ADA2: variants seen among roughly 807,000 people sequenced by gnomAD.
The protein encoded by ADA2 is adenosine deaminase 2.
Under a neutral mutation model 44.2 loss-of-function variants are expected in ADA2, and 29 were observed. The ratio of observed to expected loss-of-function variants is 0.66; its 90% CI spans 0.49 to 0.89. The LOEUF (loss-of-function observed/expected upper bound fraction) is 0.89. ADA2 is among the 40% of genes least tolerant of loss of function. The pLI is 0.00. For synonymous variants in ADA2, 215 were observed against 234.9 expected, an observed-to-expected ratio of 0.92 and a Z score of 0.77; for missense variants, 637 against 644.8, an observed-to-expected ratio of 0.99 and a Z score of 0.13.
At chr22:17,181,686 G>A (rs2061970486) in intron 9 of ADA2, 110 bp from the exon 10 acceptor site, 2 of 1,079,898 alleles carry the variant, frequency 1.9e-6, no homozygotes, top group Non-Finnish European at 2.9e-6. Flanking sequence ...CAGGCCAGCA[G>A]CAAGGACTAA....
chr22:17,209,946 G>A (rs988839215), intron 1 of ADA2: 48 of 407,680 alleles, frequency 1.2e-4, no homozygotes, highest in Non-Finnish European at 1.8e-4. Flanking sequence ...GCTGGAGCAC[G>A]GTGGTGCAAT....
chr22:17,207,995 C>T (rs944407944), intron 2 of ADA2, among the ~76,000 whole-genome samples: 13 of 152,258 alleles, frequency 8.5e-5, no homozygotes, highest in East Asian at 3.9e-4. Context: ...TGTCCCTCTG[C>T]GCTTCTTGTG....
intron 1 of ADA2, among the ~76,000 whole-genome samples, chr22:17,217,583 G>T (rs1211206087): frequency 6.6e-6 from 1 of 152,164 alleles, no homozygotes; most frequent in Non-Finnish European, 1.5e-5. Flanking sequence ...ACTTTGGGAG[G>T]CTGAGGTGGG....
chr22:17,192,101 T>C (rs1053732994), intron 4 of ADA2, among the ~76,000 whole-genome samples: 1 of 152,148 alleles, frequency 6.6e-6, no homozygotes, highest in African/African-American at 2.4e-5. Flanking sequence ...CCAAGTGGCC[T>C]TGTTCCCAAA....
At chr22:17,195,215 C>T (rs925884410) in intron 4 of ADA2, among the ~76,000 whole-genome samples, 1 of 152,314 alleles carries the variant, frequency 6.6e-6, no homozygotes, top group South Asian at 2.1e-4. Flanking sequence ...CTGCATCTAT[C>T]TGTGCACATA....
chr22:17,208,957 T>C (rs1359945026), intron 2 of ADA2, among the ~76,000 whole-genome samples: 2 of 151,712 alleles, frequency 1.3e-5, no homozygotes, highest in African/African-American at 4.8e-5. Flanking sequence ...GCCTCCAGAG[T>C]AGCTCGGATT....
intron 7 of ADA2, among the ~76,000 whole-genome samples, chr22:17,185,812 T>C (rs3788273): frequency 0.88 from 133,020 of 151,794 alleles, 58,376 homozygotes; most frequent in East Asian, 0.92. Flanking sequence ...GGAAATGAAA[T>C]TGCCCACCAC....
intron 4 of ADA2, 94 bp from the exon 5 acceptor site, chr22:17,191,904 ACCCCTGCCCAACCAC>A: frequency 8.2e-7 from 1 of 1,217,896 alleles, no homozygotes; most frequent in Non-Finnish European, 1.1e-6. Context: ...CTGGCCAGCC[ACCCCTGCCCAACCAC>A]CCCCTTCCCA....
intron 1 of ADA2, among the ~76,000 whole-genome samples, chr22:17,212,172 G>A (rs1159951313): frequency 2.0e-5 from 3 of 151,742 alleles, no homozygotes; most frequent in Non-Finnish European, 2.9e-5. Context: ...TTACAGACAC[G>A]TGCCACCACG....
Position 17,181,495 on chromosome 22 carries a change from C to T in ADA2, c.1524G>A (p.Val508=). ...KKRWDKFIAD[V]ATK is the part of the protein sequence containing the mutation. ...GGCTAGCTTCTCCTCACTTTGTAGC[C>T]ACATCTGCTATGAACTTATCCCATC... is the stretch of plus-strand genomic sequence containing the variant. Residue 508 remains valine, a synonymous_variant, in exon 10 of 10, where the codon GTG becomes GTA. Coordinates refer to ENST00000399837, the MANE Select transcript of ADA2 (RefSeq NM_001282225.2). 1 of 1,611,032 alleles carries T rather than the reference C, an allele frequency of 6.2e-7. No individual in the cohort carries two copies. The highest frequency in any genetic ancestry group is 8.5e-7 in the Non-Finnish European group (1 of 1,177,172).
At chr22:17,216,891 A>C (rs5748952) in intron 1 of ADA2, among the ~76,000 whole-genome samples, 78,569 of 151,742 alleles carry the variant, frequency 0.52, 21,785 homozygotes, top group East Asian at 0.87. Context: ...CATGCTTCAA[A>C]CTGAGAAAGA....
intron 1 of ADA2, among the ~76,000 whole-genome samples, chr22:17,218,416 G>A (rs566681417): frequency 1.3e-5 from 2 of 152,280 alleles, no homozygotes; most frequent in South Asian, 4.1e-4. Flanking sequence ...GACGTCAGCA[G>A]AACCCCTTTA....
At chr22:17,204,614 A>G (rs930130387) in intron 3 of ADA2, among the ~76,000 whole-genome samples, 1 of 151,832 alleles carries the variant, frequency 6.6e-6, no homozygotes, top group African/African-American at 2.4e-5. Flanking sequence ...ATCTCAAAAA[A>G]AAAAAAAGAA....
intron 4 of ADA2, among the ~76,000 whole-genome samples, chr22:17,200,550 G>C (rs933110546): frequency 6.6e-6 from 1 of 152,082 alleles, no homozygotes; most frequent in South Asian, 2.1e-4. Context: ...ACAAGAGATC[G>C]GACTCTCCAG....
chr22:17,185,968 G>T (rs766504004), intron 7 of ADA2, among the ~76,000 whole-genome samples: 30 of 152,116 alleles, frequency 2.0e-4, no homozygotes, highest in Admixed American at 3.9e-4. Context: ...CTTAGTTAGG[G>T]TTTACACATT....
chr22:17,187,432 G>C (rs2062048270), intron 7 of ADA2, among the ~76,000 whole-genome samples: 3 of 151,972 alleles, frequency 2.0e-5, no homozygotes, highest in Admixed American at 2.0e-4. Context: ...GGGACCACAG[G>C]TGTGTACCAT....
intron 7 of ADA2, 81 bp from the exon 8 acceptor site, chr22:17,182,842 C>T: frequency 6.9e-7 from 1 of 1,457,960 alleles, no homozygotes; most frequent in Non-Finnish European, 9.4e-7. Flanking sequence ...GACCCACCCG[C>T]CCCCCGACCA....
chr22:17,219,969 C>G (rs754467054), upstream of ADA2, among the ~76,000 whole-genome samples: 10 of 152,020 alleles, frequency 6.6e-5, no homozygotes, highest in Non-Finnish European at 1.2e-4. Context: ...AGCCACCATG[C>G]CCGGCCGCAT....
chr22:17,214,165 GC>G, intron 1 of ADA2: 1 of 681,518 alleles, frequency 1.5e-6, no homozygotes, highest in Non-Finnish European at 2.6e-6. Flanking sequence ...ATAGCCGCCT[GC>G]CCCCAGTAGG....
Sources: gnomAD v4.1 joint callset for allele counts (sites outside exome capture counted in the v4.1 genomes callset) on GRCh38, gnomAD v4.1.1 for gene constraint, MANE v1.5 for transcripts, NCBI Gene and HGNC (gene_info 2026-07-23, HGNC 2026-07-21) for gene names.